The following HSD11B1 variants were observed in gnomAD, a reference collection of about 807,000 sequenced individuals.
HSD11B1 encodes 11-beta-hydroxysteroid dehydrogenase 1.
HSD11B1 carries 15 observed loss-of-function variants against 22.1 expected under a neutral mutation model. The ratio of observed to expected loss-of-function variants is 0.68; its 90% CI spans 0.45 to 1.04. The LOEUF is 1.04. Ranked by LOEUF, HSD11B1 falls within the 50% of genes least tolerant of loss-of-function variation. The pLI is 0.00. For missense variants in HSD11B1, 281 were observed against 357.6 expected (o/e 0.79, Z 1.73); for synonymous variants, 122 against 125.2 (o/e 0.97, Z 0.17).
At chr1:209,730,231 A>G (rs939309268) in intron 4 of HSD11B1, among the ~76,000 whole-genome samples, 1 of 152,226 alleles carries the variant, frequency 6.6e-6, no homozygotes, top group African/African-American at 2.4e-5. Context: ...CTTCTCAGGT[A>G]ATAGTTTAGG....
chr1:209,696,092 A>T (rs1456704588), intron 1 of HSD11B1, among the ~76,000 whole-genome samples: 2 of 152,242 alleles, frequency 1.3e-5, no homozygotes, highest in Non-Finnish European at 2.9e-5. Context: ...AAGTGAAAGA[A>T]GTCAGACAAA....
Position 209,707,064 on chromosome 1 carries a change from T to A in HSD11B1, c.453T>A (p.Thr151=), listed in dbSNP as rs759366094. The change falls in exon 4 of 6, where the codon ACT becomes ACA. Residue 151 remains threonine (T), a synonymous_variant. Transcript: ENST00000367027. The part of the protein sequence containing the change: ...EVNFLSYVVL[T]VAALPMLKQS... The stretch of plus-strand genomic sequence containing the variant: ...ACTTCCTCAGTTACGTGGTCCTGAC[T>A]GTAGCTGCCTTGCCCATGCTGAAGC... The A allele has an allele frequency of 8.1e-6, 13 of 1,613,984 alleles. No homozygotes were observed. The highest frequency in any genetic ancestry group is 2.7e-5 in the African/African-American group (2 of 74,926).
intron 1 of HSD11B1, among the ~76,000 whole-genome samples, chr1:209,686,490 G>A (rs1254045348): frequency 6.6e-6 from 1 of 152,186 alleles, no homozygotes; most frequent in African/African-American, 2.4e-5. Context: ...CAAATGTGTA[G>A]GAGGGATGAT....
At chr1:209,713,571 A>C (rs1177943826) in intron 4 of HSD11B1, among the ~76,000 whole-genome samples, 4 of 152,142 alleles carry the variant, frequency 2.6e-5, no homozygotes, top group Non-Finnish European at 5.9e-5. Context: ...CACACCCTCA[A>C]TTTCTTCAAT....
intron 1 of HSD11B1, among the ~76,000 whole-genome samples, chr1:209,698,155 AAGATAGATAGATTAGATAGATAGATAGAT>A (rs2076803537): frequency 6.8e-6 from 1 of 146,556 alleles, no homozygotes; most frequent in African/African-American, 2.5e-5. Context: ...ATAGGTAGAT[AAGATAGATAGATTAGATAGATAGATAGAT>A]AGATAGATAG....
At position 209,732,711 on chromosome 1, in the gene HSD11B1, T is replaced by C. The variant is rs961446371; in HGVS notation, c.661+132T>C. The C allele has an allele frequency of 2.4e-5, 18 of 758,324 alleles. No individual in the cohort carries two copies. The Admixed American group carries it at 3.2e-4, about 14-fold the overall frequency. 47.0% of individuals were successfully genotyped at this position (758,324 alleles called of 1,614,324 possible). ...TGTGCTGCACCCATTAACTCGTCAC[T>C]TACATTAGGTATATCTCCTAATGCT... On this transcript the variant is annotated intron_variant, in intron 5 of 5. Transcript: ENST00000367027.
chr1:209,704,596 C>T (rs535847837), upstream of HSD11B1, among the ~76,000 whole-genome samples: 11 of 152,178 alleles, frequency 7.2e-5, no homozygotes, highest in East Asian at 1.9e-4. Flanking sequence ...TGATCCCTGG[C>T]GTAAATGGTG....
At position 209,692,999 on chromosome 1, in the gene HSD11B1, A is replaced by T. The variant is rs190115625; in HGVS notation, c.-49+6714A>T. On this transcript the variant is annotated intron_variant, in intron 1 of 6. Transcript: ENST00000261465. ...CTCCCTCCCTCCTTCATTCTCTTTT[A>T]TTTTCAGTTAACCCATAAATCCCTC... Among the ~76,000 whole-genome samples the T allele has an allele frequency of 5.3e-3, 813 of 152,106 alleles. 4 individuals are homozygous for T. Among genetic ancestry groups the T allele is most frequent in the Middle Eastern group, 0.034 (10 of 294 alleles).
intron 4 of HSD11B1, among the ~76,000 whole-genome samples, chr1:209,712,823 G>A (rs1043715372): frequency 3.3e-5 from 5 of 152,214 alleles, no homozygotes; most frequent in African/African-American, 7.2e-5. Flanking sequence ...GGCCAAGGCA[G>A]ACGGATCACG....
intron 4 of HSD11B1, among the ~76,000 whole-genome samples, chr1:209,717,829 A>G (rs2076939086): frequency 6.9e-6 from 1 of 143,894 alleles, no homozygotes; most frequent in Non-Finnish European, 1.5e-5. Context: ...CCAAGATAGC[A>G]CCACTGCACT....
chr1:209,732,416 T>G lies in HSD11B1; in HGVS notation c.518-20T>G. The G allele has an allele frequency of 6.2e-7, 1 of 1,614,012 alleles. No homozygotes were observed. Among genetic ancestry groups the G allele is most frequent in the Middle Eastern group, 1.7e-4 (1 of 6,060 alleles). ...GAAATGGGCAGCCTTATTAACCCAT[T>G]TCTTTAATCTGTCATTTAGGGAAAG... On this transcript the variant is annotated intron_variant, in intron 4 of 5. Transcript: ENST00000367027.
upstream of HSD11B1, among the ~76,000 whole-genome samples, chr1:209,703,585 T>A (rs2076837553): frequency 6.6e-6 from 1 of 152,212 alleles, no homozygotes; most frequent in African/African-American, 2.4e-5. Flanking sequence ...AATTGTTTCA[T>A]CTCCTCTGGG....
chr1:209,728,832 C>G (rs549398538), intron 4 of HSD11B1, among the ~76,000 whole-genome samples: 2 of 152,254 alleles, frequency 1.3e-5, no homozygotes, highest in East Asian at 3.9e-4. Flanking sequence ...TGAGACACTC[C>G]AACAAAATTT....
intron 4 of HSD11B1, among the ~76,000 whole-genome samples, chr1:209,713,449 T>C (rs557802793): frequency 2.0e-4 from 30 of 152,332 alleles, no homozygotes; most frequent in Admixed American, 1.6e-3. Flanking sequence ...TTGTTGGGTG[T>C]GTTGTTTTTT....
chr1:209,734,610 C>A lies in HSD11B1; in HGVS notation c.*89C>A, dbSNP rs763553121. The stretch of plus-strand genomic sequence containing the variant: ...GCTCTTATCTATGAAGACATCTTCC[C>A]AGAGTGTCCCCAGAGACATGCAAGT... On this transcript the variant is annotated 3_prime_UTR_variant, in exon 6 of 6. Coordinates refer to ENST00000367027, the MANE Select transcript of HSD11B1 (RefSeq NM_005525.4). 6.1e-5 allele frequency: 60 copies of A among 991,372 alleles called. No homozygotes were observed. Among genetic ancestry groups the A allele is most frequent in the Non-Finnish European group, 9.2e-5 (58 of 629,058 alleles). 61.4% of individuals were successfully genotyped at this position (991,372 alleles called of 1,614,324 possible).
intron 1 of HSD11B1, among the ~76,000 whole-genome samples, chr1:209,697,764 G>A (rs1460697581): frequency 6.6e-6 from 1 of 151,594 alleles, no homozygotes; most frequent in Non-Finnish European, 1.5e-5. Flanking sequence ...CCACACCTGA[G>A]ACCATTTCTC....
intron 4 of HSD11B1, among the ~76,000 whole-genome samples, chr1:209,712,993 G>A (rs1251560207): frequency 2.0e-5 from 3 of 152,090 alleles, no homozygotes; most frequent in Non-Finnish European, 4.4e-5. Flanking sequence ...AGGTTGCAGT[G>A]AGCCGAGATC....
At chr1:209,694,561 AG>A (rs1395561484) in intron 1 of HSD11B1, among the ~76,000 whole-genome samples, 1 of 152,210 alleles carries the variant, frequency 6.6e-6, no homozygotes, top group African/African-American at 2.4e-5. Flanking sequence ...AAAATAATGA[AG>A]AACTTGTAAA....
chr1:209,711,083 A>G (rs192466941), intron 4 of HSD11B1, among the ~76,000 whole-genome samples: 2 of 152,240 alleles, frequency 1.3e-5, no homozygotes, highest in East Asian at 3.9e-4. Flanking sequence ...ATCTTAACCT[A>G]TTTGTCAGTG....
Sources: allele counts gnomAD v4.1 joint callset (sites outside exome capture counted in the v4.1 genomes callset), GRCh38; gene constraint gnomAD v4.1.1; transcripts MANE v1.5; gene names NCBI Gene and HGNC (gene_info 2026-07-23, HGNC 2026-07-21).